Variants in PCM1 observed in about 807,000 individuals in gnomAD.
The protein encoded by PCM1 is pericentriolar material 1, also known as pericentriolar material 1 protein.
A neutral mutation model predicts 241.9 loss-of-function variants in PCM1; 157 were observed. The observed-to-expected ratio is 0.65, with a 90% confidence interval of 0.57 to 0.74. The LOEUF is 0.74. Among genes scored for constraint, PCM1 ranks in the 30% least tolerant of loss-of-function variants. PCM1 has a pLI of 0.00. For missense variants in PCM1, 3,478 were observed against 2,360.1 expected (o/e 1.47, Z -9.81); for synonymous variants, 1,085 against 784.9 (o/e 1.38, Z -6.39).
chr8:17,990,002 T>C (rs1338806028), intron 27 of PCM1, 23 bp downstream of exon 27: 1 of 1,499,542 alleles, frequency 6.7e-7, no homozygotes, highest in South Asian at 1.4e-5. Context: ...GTTTATAATC[T>C]TAGAAACAAC....
At chr8:17,923,823 G>T (rs2055666539) in intron 1 of PCM1, among the ~76,000 whole-genome samples, 1 of 152,068 alleles carries the variant, frequency 6.6e-6, no homozygotes, top group South Asian at 2.1e-4. Context: ...TACCTATCTA[G>T]TTAGAATTGG....
In PCM1 at chr8:17,955,478, C is replaced by G. The variant is rs1416275321; in HGVS notation, c.1297C>G (p.Gln433Glu). The change falls in exon 10 of 39, where the codon CAA (glutamine) becomes GAA (glutamate). Residue 433 changes from glutamine (Q) to glutamate (E), a missense_variant. Physicochemically the swap from Gln to Glu is conservative, Grantham distance 29 (BLOSUM62 2). Transcript: ENST00000325083. ...QHLNNSSSSPQRSVDQRSTSA... is the reference protein window; with the variant it reads ...QHLNNSSSSPERSVDQRSTSA... ...TGTTGTGCCTTCTTCAGCCTCTCCACAAAGGAGTGTCGATCAGAGAAGTAC... is the reference window on the plus strand; with the variant it reads ...TGTTGTGCCTTCTTCAGCCTCTCCAGAAAGGAGTGTCGATCAGAGAAGTAC... 3 of 1,603,598 alleles carry G rather than the reference C, an allele frequency of 1.9e-6. No individual in the cohort carries two copies. The Admixed American group carries it at 5.2e-5, about 28-fold the overall frequency.
intron 23 of PCM1, among the ~76,000 whole-genome samples, chr8:17,978,594 A>G (rs965257676): frequency 7.9e-5 from 12 of 152,118 alleles, no homozygotes; most frequent in African/African-American, 2.9e-4. Flanking sequence ...AAGAACTGCA[A>G]CTCAGGAACC....
In PCM1 at chr8:18,028,377, A is replaced by AAAG. The variant is rs1489779324; in HGVS notation, c.*716_*718dup. ...TATTTATCTACATCGCCTCAGACTA[A>AAAG]AAGTAAAAAAAATAAGCTTTATATA... On this transcript the variant is annotated 3_prime_UTR_variant, in exon 39 of 39. Coordinates refer to ENST00000325083, the MANE Select transcript of PCM1 (RefSeq NM_006197.4). The AAAG allele has an allele frequency of 5.2e-6, 1 of 192,140 alleles. No homozygotes were observed. Among genetic ancestry groups the AAAG allele is most frequent in the Non-Finnish European group, 1.1e-5 (1 of 91,932 alleles). The allele number at this position is 192,140 out of a possible 1,614,324, so 11.9% of individuals were successfully genotyped here. A position where few individuals can be genotyped will look rare whatever the true frequency, so the allele number is the denominator to read the frequency against.
chr8:17,974,438 C>T (rs1004554991), intron 23 of PCM1, among the ~76,000 whole-genome samples: 1 of 152,148 alleles, frequency 6.6e-6, no homozygotes, highest in African/African-American at 2.4e-5. Context: ...ACTTCATAAA[C>T]TTGAGTTTCA....
intron 6 of PCM1, among the ~76,000 whole-genome samples, chr8:17,946,811 C>T (rs1051626434): frequency 2.0e-5 from 3 of 149,766 alleles, no homozygotes; most frequent in Non-Finnish European, 4.4e-5. Flanking sequence ...TGCTCCTTTT[C>T]TGTAGGGGCC....
chr8:17,958,049 A>G (rs2069513375), intron 13 of PCM1, among the ~76,000 whole-genome samples: 1 of 152,234 alleles, frequency 6.6e-6, no homozygotes, highest in African/African-American at 2.4e-5. Flanking sequence ...TACATAAATG[A>G]GAATGATTAT....
Position 18,009,685 on chromosome 8 carries a change from A to C in PCM1, c.5101A>C (p.Lys1701Gln). The C allele has an allele frequency of 1.3e-6, 2 of 1,537,340 alleles. No individual in the cohort carries two copies. Among genetic ancestry groups the C allele is most frequent in the Non-Finnish European group, 1.7e-6 (2 of 1,143,738 alleles). ...TTTGGATAATAATAGTATAACTGTT[A>C]AACAGAGATGCAAAAGGAAAATAGA... ...QDLDNNSITV[K>Q]QRCKRKIEAT... Residue 1701 changes from lysine to glutamine, a missense_variant, in exon 31 of 39, where the codon AAA becomes CAA. Coordinates refer to ENST00000325083, the MANE Select transcript of PCM1 (RefSeq NM_006197.4).
At chr8:17,946,576 A>G (rs533997161) in intron 6 of PCM1, among the ~76,000 whole-genome samples, 91 of 151,858 alleles carry the variant, frequency 6.0e-4, no homozygotes, top group African/African-American at 1.9e-3. Flanking sequence ...AGCTCACTGC[A>G]ATCTCTACCT....
intron 2 of PCM1, chr8:17,927,931 G>A (rs1235272594): frequency 7.6e-6 from 1 of 131,866 alleles, no homozygotes; most frequent in Non-Finnish European, 1.6e-5. Context: ...TCATTTTTGT[G>A]TCTTTGTAAA....
intron 3 of PCM1, among the ~76,000 whole-genome samples, chr8:17,936,810 A>G (rs921081113): frequency 1.3e-5 from 2 of 152,326 alleles, no homozygotes; most frequent in South Asian, 2.1e-4. Flanking sequence ...TTATTTCACT[A>G]TTTATAATAG....
Position 17,947,301 on chromosome 8 carries a change from A to G in PCM1, c.899A>G (p.Gln300Arg), listed in dbSNP as rs766973866. The change falls in exon 7 of 39, where the codon CAG becomes CGG. Residue 300 changes from glutamine to arginine, a missense_variant. Transcript: ENST00000325083. ...CAACTAAGAGCTCTACAGGGACGGC[A>G]GGCTGCACTTCTAGCTCTGCAACAT... is the stretch of plus-strand genomic sequence containing the variant. Reference protein sequence around the residue: ...QEQLRALQGRQAALLALQHKA... With the variant: ...QEQLRALQGRRAALLALQHKA... 12 of 1,612,986 alleles carry G rather than the reference A, an allele frequency of 7.4e-6. No individual in the cohort carries two copies. The African/African-American group carries it at 1.6e-4, about 22-fold the overall frequency.
intron 9 of PCM1, among the ~76,000 whole-genome samples, chr8:17,953,561 C>T (rs1461209038): frequency 6.6e-6 from 1 of 151,450 alleles, no homozygotes; most frequent in East Asian, 1.9e-4. Flanking sequence ...TTTAAAAACC[C>T]AAAACTGTGA....
At chr8:17,973,117 A>G (rs1432138148) in intron 23 of PCM1, among the ~76,000 whole-genome samples, 3 of 152,148 alleles carry the variant, frequency 2.0e-5, no homozygotes, top group Non-Finnish European at 4.4e-5. Context: ...ATATGATAAA[A>G]CCAGTTTTAA....
chr8:17,936,145 G>A (rs2060357541), intron 3 of PCM1, among the ~76,000 whole-genome samples: 1 of 152,186 alleles, frequency 6.6e-6, no homozygotes, highest in Non-Finnish European at 1.5e-5. Flanking sequence ...AGTTATGGGT[G>A]CAGTTATGTA....
At chr8:17,994,717 T>C (rs1343757736) in intron 29 of PCM1, among the ~76,000 whole-genome samples, 1 of 146,212 alleles carries the variant, frequency 6.8e-6, no homozygotes, top group East Asian at 1.9e-4. Context: ...TGCCTGTCTT[T>C]GGGATAAGTG....
At position 18,027,874 on chromosome 8, in the gene PCM1, T is replaced by TC. The variant is rs1564493668; in HGVS notation, c.*212_*213insC. 5.2e-5 allele frequency: 20 copies of TC among 385,838 alleles called. No homozygotes were observed. In the South Asian group the frequency reaches 8.7e-4, roughly 17 times the overall value. The allele number at this position is 385,838 out of a possible 1,614,324, so 23.9% of individuals were successfully genotyped here. A position where few individuals can be genotyped will look rare whatever the true frequency, so the allele number is the denominator to read the frequency against. On this transcript the variant is annotated 3_prime_UTR_variant, in exon 39 of 39. Coordinates refer to ENST00000325083, the MANE Select transcript of PCM1 (RefSeq NM_006197.4). ...CTTGACACACTGTGTTTTTTTTTTT[T>TC]TCCCCCTTCTTTTTTGGGTCTTCAT... is the stretch of plus-strand genomic sequence containing the variant.
At chr8:17,985,365 T>C in intron 24 of PCM1, 82 bp from the exon 25 acceptor site, 1 of 833,732 alleles carries the variant, frequency 1.2e-6, no homozygotes, top group Non-Finnish European at 1.8e-6. Context: ...AATTTAAAGC[T>C]GAGAGTAATG....
At chr8:18,024,659 G>A (rs941033853) in intron 36 of PCM1, among the ~76,000 whole-genome samples, 4 of 152,132 alleles carry the variant, frequency 2.6e-5, no homozygotes, top group Non-Finnish European at 5.9e-5. Flanking sequence ...ATGTTTTTGT[G>A]CAAGGAAGTG....
Sources: gnomAD v4.1 joint callset for allele counts (sites outside exome capture counted in the v4.1 genomes callset) on GRCh38, gnomAD v4.1.1 for gene constraint, MANE v1.5 for transcripts, NCBI Gene and HGNC (gene_info 2026-07-23, HGNC 2026-07-21) for gene names.